COPG1: variants seen among roughly 807,000 people sequenced by gnomAD.
COPG1 encodes coatomer subunit gamma-1.
Under a neutral mutation model 102.8 loss-of-function variants are expected in COPG1, and 29 were observed. The ratio of observed to expected loss-of-function variants is 0.28; its 90% confidence interval spans 0.21 to 0.38. The LOEUF (loss-of-function observed/expected upper bound fraction) is 0.38. COPG1 is among the 10% of genes least tolerant of loss of function. The pLI is 1.00. For missense variants in COPG1, 875 were observed against 1,132.7 expected, an observed-to-expected ratio of 0.77 and a Z score of 3.27; for synonymous variants, 406 against 421.6, an observed-to-expected ratio of 0.96 and a Z score of 0.45.
At chr3:129,253,057 C>A (rs1369229976) in intron 5 of COPG1, 102 bp downstream of exon 5, 2 of 997,196 alleles carry the variant, frequency 2.0e-6, no homozygotes, top group African/African-American at 1.6e-5. Context: ...ATATTGCCAG[C>A]TGCCCACCCC....
intron 13 of COPG1, 62 bp from the exon 14 acceptor site, chr3:129,265,487 C>G: frequency 6.3e-7 from 1 of 1,584,912 alleles, no homozygotes. Flanking sequence ...TGGTCCAGCT[C>G]AGGTCTTCAA....
chr3:129,258,066 T>G (rs1288583628), intron 10 of COPG1, among the ~76,000 whole-genome samples: 1 of 152,216 alleles, frequency 6.6e-6, no homozygotes, highest in Non-Finnish European at 1.5e-5. Flanking sequence ...ATCTGACTGC[T>G]GAAGAGGCTG....
chr3:129,261,636 C>T (rs1447203092), intron 12 of COPG1, among the ~76,000 whole-genome samples: 1 of 152,180 alleles, frequency 6.6e-6, no homozygotes, highest in African/African-American at 2.4e-5. Flanking sequence ...TCCTACAGTG[C>T]CAGCATCCTA....
At chr3:129,269,070 C>T (rs1344341207) in intron 18 of COPG1, 70 bp downstream of exon 18, 4 of 1,340,612 alleles carry the variant, frequency 3.0e-6, no homozygotes, top group African/African-American at 1.4e-5. Context: ...AGAGTAAGAA[C>T]TGTCATATAT....
intron 12 of COPG1, among the ~76,000 whole-genome samples, chr3:129,261,559 G>C (rs1939926078): frequency 6.6e-6 from 1 of 152,150 alleles, no homozygotes; most frequent in East Asian, 1.9e-4. Context: ...CTTATATTTT[G>C]AAATAATTCA....
intron 20 of COPG1, 39 bp from the exon 21 acceptor site, chr3:129,272,768 C>T (rs1201509620): frequency 1.4e-6 from 2 of 1,380,464 alleles, no homozygotes; most frequent in South Asian, 1.2e-5. Context: ...CCCCTGCAGG[C>T]TGGGGACATC....
intron 12 of COPG1, 143 bp from the exon 13 acceptor site, chr3:129,263,761 G>T: frequency 1.4e-6 from 1 of 696,976 alleles, no homozygotes; most frequent in Non-Finnish European, 2.6e-6. Context: ...CAAGCGTGGA[G>T]TTGAGTTCCT....
chr3:129,254,904 A>G (rs4927913), intron 6 of COPG1, 81 bp from the exon 7 acceptor site: 1 of 1,271,472 alleles, frequency 7.9e-7, no homozygotes, highest in East Asian at 2.3e-5. Flanking sequence ...CCTCATACTC[A>G]TCTCTGCCCC....
chr3:129,270,657 A>C (rs1335681148), intron 18 of COPG1, among the ~76,000 whole-genome samples: 9 of 152,212 alleles, frequency 5.9e-5, no homozygotes, highest in African/African-American at 1.9e-4. Flanking sequence ...AGAGGGCTGA[A>C]GTGGTCACAT....
intron 10 of COPG1, chr3:129,260,107 A>G: frequency 6.9e-6 from 4 of 576,480 alleles, no homozygotes; most frequent in Non-Finnish European, 1.2e-5. Context: ...GCAGATGCCC[A>G]GTGAATAACA....
At position 129,272,838 on chromosome 3, in the gene COPG1, C is replaced by A. The variant is rs1407071168; in HGVS notation, c.2190C>A (p.Phe730Leu). 1 of 1,613,268 alleles carries A rather than the reference C, an allele frequency of 6.2e-7. No individual in the cohort carries two copies. Among genetic ancestry groups the A allele is most frequent in the South Asian group, 1.1e-5 (1 of 91,014 alleles). ...GCACATTCAGCTGCATGATGAAGTTCACTGTCAAGGACTGTGATCCCACCA... is the reference window on the plus strand; with the variant it reads ...GCACATTCAGCTGCATGATGAAGTTAACTGTCAAGGACTGTGATCCCACCA... The part of the protein sequence containing the change: ...VACTFSCMMK[F>L]TVKDCDPTTG... The change falls in exon 21 of 24, where the codon TTC becomes TTA. Residue 730 changes from phenylalanine to leucine, a missense_variant. Physicochemically the swap from Phe to Leu is conservative, Grantham distance 22. Coordinates refer to ENST00000314797, the MANE Select transcript of COPG1 (RefSeq NM_016128.4).
intron 14 of COPG1, 70 bp downstream of exon 14, chr3:129,265,862 T>C (rs1940047303): frequency 6.6e-7 from 1 of 1,518,732 alleles, no homozygotes; most frequent in East Asian, 2.3e-5. Flanking sequence ...CAAAGGGACC[T>C]GAGCCTCCAG....
rs752695288 is a variant in COPG1 at position 129,267,008 on chromosome 3, C to G, written c.1469-16C>G. ...CAGGGTGCATTGGGTAAATCACATT[C>G]GCTTCCTAAACACAGGTGCTGTGAG... On this transcript the variant is annotated splice_polypyrimidine_tract_variant and intron_variant, in intron 14 of 23. Coordinates refer to ENST00000314797, the MANE Select transcript of COPG1 (RefSeq NM_016128.4). The G allele has an allele frequency of 6.2e-7, 1 of 1,611,772 alleles. No individual in the cohort carries two copies. Among genetic ancestry groups the G allele is most frequent in the Admixed American group, 1.7e-5 (1 of 60,000 alleles).
At position 129,267,921 on chromosome 3, in the gene COPG1, T is replaced by C; in HGVS notation, c.1545-16T>C. The C allele has an allele frequency of 1.2e-6, 2 of 1,606,916 alleles. No individual in the cohort carries two copies. Among genetic ancestry groups the C allele is most frequent in the Non-Finnish European group, 1.7e-6 (2 of 1,173,766 alleles). On this transcript the variant is annotated splice_polypyrimidine_tract_variant and intron_variant, in intron 15 of 23. Transcript: ENST00000314797. ...TGCTGGGTCCCAGTCAGGACCACCT[T>C]GTGTCCTGGCTGCAGGTGTGTGATG...
rs961119046 is a variant in COPG1 at position 129,259,693 on chromosome 3, T to G, written c.872-640T>G. On this transcript the variant is annotated intron_variant, in intron 10 of 23. Transcript: ENST00000314797. ...TCCAGAAAACAGTAGTCATCTTCGC[T>G]CCTATGATTGAGTGCCAAATTTAGC... Among the ~76,000 whole-genome samples, 4 of 152,136 alleles carry G rather than the reference T, an allele frequency of 2.6e-5. No individual in the cohort carries two copies. In the South Asian group the frequency reaches 6.2e-4, roughly 24 times the overall value.
chr3:129,274,464 A>G (rs1056727129), intron 21 of COPG1, among the ~76,000 whole-genome samples: 1 of 152,170 alleles, frequency 6.6e-6, no homozygotes, highest in Non-Finnish European at 1.5e-5. Flanking sequence ...AGAGCTCATC[A>G]TCCCCTAGGA....
At chr3:129,255,510 T>A (rs540301475) in intron 7 of COPG1, among the ~76,000 whole-genome samples, 1 of 134,498 alleles carries the variant, frequency 7.4e-6, no homozygotes, top group African/African-American at 2.9e-5. Context: ...TGAGACAGAG[T>A]CTCACTCTGT....
At chr3:129,273,276 G>A (rs1940214478) in intron 21 of COPG1, among the ~76,000 whole-genome samples, 1 of 152,122 alleles carries the variant, frequency 6.6e-6, no homozygotes, top group Admixed American at 6.5e-5. Context: ...CACCTACCTT[G>A]GCCTCCCAAA....
At position 129,252,711 on chromosome 3, in the gene COPG1, A is replaced by C; in HGVS notation, c.243+17A>C. 1 of 1,612,662 alleles carries C rather than the reference A, an allele frequency of 6.2e-7. No individual in the cohort carries two copies. Among genetic ancestry groups the C allele is most frequent in the Non-Finnish European group, 8.5e-7 (1 of 1,178,744 alleles). ...TCCAATGATGTAAGTGCCTCAACCC[A>C]GCTTTCCTTGAGAGGTGGCAGCTGT... On this transcript the variant is annotated intron_variant, in intron 4 of 23. Coordinates refer to ENST00000314797, the MANE Select transcript of COPG1 (RefSeq NM_016128.4).
Sources: gnomAD v4.1 joint callset for allele counts (sites outside exome capture counted in the v4.1 genomes callset) on GRCh38, gnomAD v4.1.1 for gene constraint, MANE v1.5 for transcripts, NCBI Gene and HGNC (gene_info 2026-07-23, HGNC 2026-07-21) for gene names.